ADAM9: variants seen among roughly 807,000 people sequenced by gnomAD.
The protein encoded by ADAM9 is ADAM metallopeptidase domain 9, also known as disintegrin and metalloproteinase domain-containing protein 9.
A neutral mutation model predicts 108.1 loss-of-function variants in ADAM9; 54 were observed. The ratio of observed to expected loss-of-function variants is 0.50; its 90% CI spans 0.40 to 0.63. The LOEUF is 0.63. Ranked by LOEUF, ADAM9 falls within the 20% of genes least tolerant of loss-of-function variation. The pLI is 0.00. For missense variants in ADAM9, 830 were observed against 997.7 expected (o/e 0.83, Z 2.26); for synonymous variants, 316 against 336.0 (o/e 0.94, Z 0.65).
intron 2 of ADAM9, 103 bp downstream of exon 2, chr8:39,008,086 C>G (rs1319424270): frequency 2.3e-6 from 2 of 853,784 alleles, no homozygotes; most frequent in Non-Finnish European, 3.8e-6. Context: ...TGAGTTATTA[C>G]TTGGCTGTTA....
intron 20 of ADAM9, among the ~76,000 whole-genome samples, chr8:39,097,131 G>A (rs1004843317): frequency 6.6e-6 from 1 of 152,156 alleles, no homozygotes; most frequent in African/African-American, 2.4e-5. Flanking sequence ...TTGCAGCCTT[G>A]TTTTGTACAA....
At chr8:39,065,162 A>G (rs1588401732) in intron 14 of ADAM9, among the ~76,000 whole-genome samples, 1 of 137,548 alleles carries the variant, frequency 7.3e-6, no homozygotes, top group Non-Finnish European at 1.6e-5. Flanking sequence ...TGGATTTTGG[A>G]TTTCCTGGAT....
At chr8:39,027,073 G>A (rs749041259) in intron 11 of ADAM9, among the ~76,000 whole-genome samples, 7 of 151,922 alleles carry the variant, frequency 4.6e-5, no homozygotes, top group Admixed American at 2.6e-4. Flanking sequence ...CTTTAAGAAG[G>A]CAATACTTAT....
chr8:39,061,888 T>C (rs7012884), intron 14 of ADAM9, among the ~76,000 whole-genome samples: 21,933 of 152,148 alleles, frequency 0.14, 3,417 homozygotes, highest in African/African-American at 0.39. Context: ...AAACCATATC[T>C]GGCTGCTCTA....
chr8:39,065,911 C>T (rs1195399420), intron 14 of ADAM9, among the ~76,000 whole-genome samples: 1 of 152,110 alleles, frequency 6.6e-6, no homozygotes, highest in African/African-American at 2.4e-5. Context: ...CTCCCCCCAC[C>T]CCATGACAGG....
At chr8:39,082,535 G>T in intron 16 of ADAM9, 106 bp from the exon 17 acceptor site, 1 of 809,984 alleles carries the variant, frequency 1.2e-6, no homozygotes, top group South Asian at 1.6e-5. Flanking sequence ...TTGAAAGTTT[G>T]AAAGAATTCT....
intron 16 of ADAM9, among the ~76,000 whole-genome samples, chr8:39,078,850 C>G (rs1041434721): frequency 1.3e-5 from 2 of 152,082 alleles, no homozygotes; most frequent in African/African-American, 4.8e-5. Flanking sequence ...TAGACATTAT[C>G]CACTAGTTTT....
intron 12 of ADAM9, among the ~76,000 whole-genome samples, chr8:39,047,348 A>AT (rs1329406537): frequency 6.6e-6 from 1 of 152,034 alleles, no homozygotes; most frequent in Non-Finnish European, 1.5e-5. Context: ...CTCCTCCTCT[A>AT]TTTTTTGGGT....
chr8:39,079,617 C>G (rs550445487), intron 16 of ADAM9, among the ~76,000 whole-genome samples: 107 of 140,776 alleles, frequency 7.6e-4, no homozygotes, highest in African/African-American at 2.6e-3. Context: ...TTTTTTGGAG[C>G]CTCACTCTGT....
At position 38,997,076 on chromosome 8, in the gene ADAM9, G is replaced by A. The variant is rs771961725; in HGVS notation, c.13G>A (p.Ala5Thr). The A allele has an allele frequency of 8.7e-6, 14 of 1,607,806 alleles. No individual in the cohort carries two copies. Among genetic ancestry groups the A allele is most frequent in the East Asian group, 2.2e-5 (1 of 44,798 alleles). Residue 5 changes from alanine to threonine, a missense_variant, in exon 1 of 22, where the codon GCG (alanine) becomes ACG (threonine). Around this residue, in one of 3 missense-constraint regions of ADAM9, gnomAD observed 211 missense variants for 222.2 expected, o/e 0.95. Coordinates refer to ENST00000487273, the MANE Select transcript of ADAM9 (RefSeq NM_003816.3). ...GGAATCGGCCGAGATGGGGTCTGGC[G>A]CGCGCTTTCCCTCGGGGACCCTTCG... MGSGARFPSGTLRVR... is the reference protein window; with the variant it reads MGSGTRFPSGTLRVR...
At chr8:39,055,864 G>C in intron 14 of ADAM9, 92 bp downstream of exon 14, 1 of 1,303,412 alleles carries the variant, frequency 7.7e-7, no homozygotes, top group South Asian at 1.3e-5. Context: ...TATTGATAAA[G>C]TTGAGGCTCT....
At chr8:39,054,862 A>G (rs1838069222) in intron 13 of ADAM9, among the ~76,000 whole-genome samples, 1 of 152,126 alleles carries the variant, frequency 6.6e-6, no homozygotes, top group South Asian at 2.1e-4. Flanking sequence ...AGAGAATGAA[A>G]GATCCTCTAT....
chr8:39,089,983 A>G, intron 18 of ADAM9, 64 bp from the exon 19 acceptor site: 1 of 1,473,686 alleles, frequency 6.8e-7, no homozygotes, highest in Non-Finnish European at 9.5e-7. Flanking sequence ...AGTGTTTATA[A>G]TCATCTAGTA....
intron 14 of ADAM9, among the ~76,000 whole-genome samples, chr8:39,065,257 T>C (rs1360996435): frequency 6.6e-6 from 1 of 151,858 alleles, no homozygotes; most frequent in East Asian, 1.9e-4. Flanking sequence ...TTCAACTTTA[T>C]CTTCTAACTC....
At chr8:39,013,390 G>A (rs77661368) in intron 3 of ADAM9, among the ~76,000 whole-genome samples, 1 of 116,794 alleles carries the variant, frequency 8.6e-6, no homozygotes, top group Non-Finnish European at 1.8e-5. Flanking sequence ...TAAATTTTTT[G>A]GAACTAGCAT....
chr8:39,011,674 A>G lies in ADAM9; in HGVS notation c.212A>G (p.Gln71Arg), dbSNP rs1195167109. The change falls in exon 3 of 22, where the codon CAG becomes CGG. Residue 71 changes from glutamine (Q) to arginine (R), a missense_variant. Physicochemically the swap from Gln to Arg is conservative, Grantham distance 43 (BLOSUM62 1). Around this residue, in one of 3 missense-constraint regions of ADAM9, gnomAD observed 211 missense variants for 222.2 expected, o/e 0.95. Transcript: ENST00000487273. ...TGCATTTAGGTATCTTATGTTATTC[A>G]GGCTGAAGGAAAAGAGCATATTATT... is the stretch of plus-strand genomic sequence containing the variant. ...PYSKQVSYVI[Q>R]AEGKEHIIHL... 6.2e-7 allele frequency: 1 copy of G among 1,611,650 alleles called. No individual in the cohort carries two copies. The highest frequency in any genetic ancestry group is 2.2e-5 in the East Asian group (1 of 44,828).
chr8:39,105,191 T>G lies in ADAM9; in HGVS notation c.*1491T>G, dbSNP rs961592148. The stretch of plus-strand genomic sequence containing the variant: ...ATTAGTTTTGAAGAAGGCAAAAATT[T>G]CAGTTTTCTGAAGACAGCATGTTAT... On this transcript the variant is annotated 3_prime_UTR_variant, in exon 22 of 22. Coordinates refer to ENST00000487273, the MANE Select transcript of ADAM9 (RefSeq NM_003816.3). 8 of 443,780 alleles carry G rather than the reference T, an allele frequency of 1.8e-5. No individual in the cohort carries two copies. The highest frequency in any genetic ancestry group is 1.6e-4 in the African/African-American group (8 of 49,544). The allele number at this position is 443,780 out of a possible 1,614,324, so 27.5% of individuals were successfully genotyped here.
intron 11 of ADAM9, among the ~76,000 whole-genome samples, chr8:39,036,664 A>G (rs958969408): frequency 6.6e-6 from 1 of 152,200 alleles, no homozygotes; most frequent in Non-Finnish European, 1.5e-5. Flanking sequence ...ATCAGGAGAA[A>G]GATCATTCTT....
At chr8:39,053,944 G>A (rs1429862701) in intron 12 of ADAM9, among the ~76,000 whole-genome samples, 1 of 152,168 alleles carries the variant, frequency 6.6e-6, no homozygotes, top group Non-Finnish European at 1.5e-5. Flanking sequence ...ATTTGGAGAT[G>A]GGGCCTTTAA....
Sources: allele counts gnomAD v4.1 joint callset (sites outside exome capture counted in the v4.1 genomes callset), GRCh38; gene constraint gnomAD v4.1.1; regional missense constraint gnomAD v4.1.1; transcripts MANE v1.5; gene names NCBI Gene and HGNC (gene_info 2026-07-23, HGNC 2026-07-21).